DAB1: variants seen among roughly 807,000 people sequenced by gnomAD.
The protein encoded by DAB1 is disabled homolog 1.
In DAB1, 15 loss-of-function variants were observed where a neutral mutation model predicts 64.6. The ratio of observed to expected loss-of-function variants is 0.23; its 90% confidence interval spans 0.16 to 0.36. The LOEUF (loss-of-function observed/expected upper bound fraction) is 0.36. DAB1 is among the 10% of genes least tolerant of loss of function. DAB1 has a pLI of 1.00. For synonymous variants in DAB1, 235 were observed against 251.9 expected (o/e 0.93, Z 0.64); for missense variants, 596 against 706.7 (o/e 0.84, Z 1.78).
intron 7 of DAB1, among the ~76,000 whole-genome samples, chr1:57,467,506 A>T (rs914245234): frequency 1.3e-5 from 2 of 152,176 alleles, no homozygotes; most frequent in Non-Finnish European, 2.9e-5. Context: ...TGTAACATTA[A>T]AGTTTGATAA....
At chr1:57,375,266 C>T (rs1680804860) in intron 1 of DAB1, among the ~76,000 whole-genome samples, 1 of 152,170 alleles carries the variant, frequency 6.6e-6, no homozygotes, top group Admixed American at 6.5e-5. Flanking sequence ...AGTGCTCGAT[C>T]TCCAGGATCT....
chr1:57,313,306 C>T (rs1674895060), intron 1 of DAB1, among the ~76,000 whole-genome samples: 1 of 152,186 alleles, frequency 6.6e-6, no homozygotes, highest in Non-Finnish European at 1.5e-5. Context: ...GCCTGGTCCC[C>T]ACAATATGAC....
Position 58,017,723 on chromosome 1 carries a change from A to T in DAB1, n.387+132788T>A, listed in dbSNP as rs568997462. On this transcript the variant is annotated intron_variant and non_coding_transcript_variant, in intron 5 of 20. Coordinates refer to the DAB1 transcript ENST00000485760. The stretch of plus-strand genomic sequence containing the variant: ...AGACAATGAGGTTTTTGGAGAAGCA[A>T]GGGAATTGTGGGGACCTGAGCGGTG... Among the ~76,000 whole-genome samples the T allele has an allele frequency of 3.3e-5, 5 of 152,292 alleles. No individual in the cohort carries two copies. The South Asian group carries it at 6.2e-4, about 19-fold the overall frequency.
At chr1:57,485,176 C>G (rs897079987) in intron 7 of DAB1, among the ~76,000 whole-genome samples, 7 of 82,820 alleles carry the variant, frequency 8.5e-5, no homozygotes, top group Admixed American at 6.9e-4. Context: ...ATTGAAATGT[C>G]CTGCTTCCAG....
At chr1:57,179,949 T>C (rs1354741367) in intron 2 of DAB1, among the ~76,000 whole-genome samples, 1 of 152,156 alleles carries the variant, frequency 6.6e-6, no homozygotes, top group Non-Finnish European at 1.5e-5. Context: ...GTCTTCCTTT[T>C]CTATGTTCTT....
At chr1:57,278,562 C>A (rs1671650723) in intron 2 of DAB1, among the ~76,000 whole-genome samples, 1 of 152,086 alleles carries the variant, frequency 6.6e-6, no homozygotes, top group African/African-American at 2.4e-5. Context: ...AATCACAAGG[C>A]TTAATTCCAT....
intron 5 of DAB1, among the ~76,000 whole-genome samples, chr1:58,147,377 G>A (rs1218226461): frequency 2.7e-5 from 4 of 147,194 alleles, no homozygotes; most frequent in Admixed American, 6.9e-5. Flanking sequence ...CCAGCACTTC[G>A]GGAGGCCGAG....
At chr1:58,095,167 C>G (rs1650906009) in intron 5 of DAB1, among the ~76,000 whole-genome samples, 1 of 152,174 alleles carries the variant, frequency 6.6e-6, no homozygotes, top group Non-Finnish European at 1.5e-5. Flanking sequence ...TTCTCATCCC[C>G]CAGCACAGAG....
At chr1:57,225,430 A>G (rs1667188453) in intron 2 of DAB1, among the ~76,000 whole-genome samples, 2 of 152,186 alleles carry the variant, frequency 1.3e-5, no homozygotes, top group African/African-American at 4.8e-5. Flanking sequence ...ACGGTGCTGA[A>G]GAATTGGTAC....
chr1:58,440,623 T>C (rs1644997405), intron 3 of DAB1, among the ~76,000 whole-genome samples: 1 of 152,242 alleles, frequency 6.6e-6, no homozygotes, highest in Non-Finnish European at 1.5e-5. Context: ...CAGTATGGAC[T>C]TAATGAGATA....
rs189811740 is a variant in DAB1, at chr1:57,677,674, T to C, written n.552-28009A>G. Among the ~76,000 whole-genome samples, 183 of 152,270 alleles carry C rather than the reference T, an allele frequency of 1.2e-3. 1 individual carries two copies. The highest frequency in any genetic ancestry group is 4.0e-3 in the African/African-American group (168 of 41,544). On this transcript the variant is annotated intron_variant and non_coding_transcript_variant, in intron 6 of 20. Transcript: ENST00000485760. ...ATACTCTGAACGACCAACTGATAAT[T>C]AGAATTAATTAGAGATATTCACTGC...
At chr1:57,270,066 T>C (rs1044305512) in intron 2 of DAB1, among the ~76,000 whole-genome samples, 11 of 152,202 alleles carry the variant, frequency 7.2e-5, no homozygotes, top group African/African-American at 2.7e-4. Flanking sequence ...GCCCGAGCAC[T>C]GGATGTCTGC....
At chr1:56,999,889 G>A (rs1645780079) in intron 14 of DAB1, among the ~76,000 whole-genome samples, 1 of 152,136 alleles carries the variant, frequency 6.6e-6, no homozygotes, top group African/African-American at 2.4e-5. Flanking sequence ...GTGCCAACTT[G>A]TCCCTCCATG....
chr1:58,026,298 A>G (rs144729950), intron 5 of DAB1, among the ~76,000 whole-genome samples: 1 of 152,266 alleles, frequency 6.6e-6, no homozygotes, highest in East Asian at 1.9e-4. Context: ...TAGGCTGAGC[A>G]GCACAGTGCA....
At chr1:58,416,999 A>G (rs770309127) in intron 3 of DAB1, among the ~76,000 whole-genome samples, 1 of 152,244 alleles carries the variant, frequency 6.6e-6, no homozygotes, top group Non-Finnish European at 1.5e-5. Context: ...GTTAAATAAA[A>G]TGCAGTTTTG....
At chr1:58,141,189 C>A (rs1247947741) in intron 5 of DAB1, among the ~76,000 whole-genome samples, 1 of 152,104 alleles carries the variant, frequency 6.6e-6, no homozygotes, top group Admixed American at 6.5e-5. Flanking sequence ...TAAGGACATA[C>A]CCGAGACTGG....
chr1:57,102,568 A>C (rs1203646829), intron 4 of DAB1, among the ~76,000 whole-genome samples: 1 of 152,178 alleles, frequency 6.6e-6, no homozygotes, highest in African/African-American at 2.4e-5. Flanking sequence ...CAAACAAAAA[A>C]ATCTATAATT....
chr1:57,327,014 T>C (rs1676217929), intron 1 of DAB1, among the ~76,000 whole-genome samples: 1 of 152,100 alleles, frequency 6.6e-6, no homozygotes. Flanking sequence ...TCTTGGTTCA[T>C]CGCAGCCTCA....
intron 5 of DAB1, among the ~76,000 whole-genome samples, chr1:58,072,840 T>C (rs1289000923): frequency 2.0e-5 from 3 of 152,198 alleles, no homozygotes; most frequent in African/African-American, 7.2e-5. Context: ...ATATGCAACA[T>C]CAAATTTTTC....
Sources: allele counts gnomAD v4.1 joint callset (sites outside exome capture counted in the v4.1 genomes callset), GRCh38; gene constraint gnomAD v4.1.1; transcripts MANE v1.5; gene names NCBI Gene and HGNC (gene_info 2026-07-23, HGNC 2026-07-21).